The following CARS2 variants were observed in gnomAD, a reference collection of about 807,000 sequenced individuals.
CARS2 encodes the protein cysteinyl-tRNA synthetase 2, mitochondrial.
CARS2 carries 52 observed loss-of-function variants against 68.8 expected under a neutral mutation model. The observed-to-expected ratio is 0.76, with a 90% CI of 0.61 to 0.95. CARS2 has a LOEUF of 0.95. CARS2 is among the 40% of genes least tolerant of loss of function. The probability of loss-of-function intolerance (pLI) is 0.00; values close to 1 mark genes in which losing one functional copy is unlikely to be tolerated. For synonymous variants in CARS2, 314 were observed against 303.6 expected (o/e 1.03, Z -0.36); for missense variants, 780 against 754.2 (o/e 1.03, Z -0.40).
In CARS2 at chr13:110,642,408, G is replaced by A. The variant is rs539168705; in HGVS notation, c.1530C>T (p.Asp510=). Residue 510 remains aspartate, a synonymous_variant, in exon 14 of 15, where the codon GAC becomes GAT. Coordinates refer to ENST00000257347, the MANE Select transcript of CARS2 (RefSeq NM_024537.4). Reference sequence around the variant, plus strand: ...TTTCTAGGAGCTGCTGCCGCCGGGCGTCCCCCGTGGCCTCGGGCATGGCCA... The same window carrying A: ...TTTCTAGGAGCTGCTGCCGCCGGGCATCCCCCGTGGCCTCGGGCATGGCCA... The part of the protein sequence containing the change: ...FALAMPEATG[D]ARRQQLLERQ... 3.7e-5 allele frequency: 59 copies of A among 1,587,308 alleles called. No individual in the cohort carries two copies. The highest frequency in any genetic ancestry group is 1.7e-4 in the Middle Eastern group (1 of 6,046).
chr13:110,700,878 A>G (rs1044747298), intron 3 of CARS2, among the ~76,000 whole-genome samples: 20 of 152,162 alleles, frequency 1.3e-4, no homozygotes, highest in Admixed American at 2.0e-4. Context: ...CCACAGAAGG[A>G]GGTAACGACA....
intron 6 of CARS2, among the ~76,000 whole-genome samples, chr13:110,680,752 G>C (rs2063135439): frequency 6.6e-6 from 1 of 152,252 alleles, no homozygotes; most frequent in South Asian, 2.1e-4. Context: ...GCAAGGGGAA[G>C]AAGCCAGGGG....
intron 1 of CARS2, chr13:110,712,778 G>C (rs557366127): frequency 1.1e-5 from 8 of 716,004 alleles, no homozygotes. Flanking sequence ...GAAGAGATAA[G>C]GCCTAGGGAA....
At chr13:110,709,082 CTTTTTTT>C (rs113546139), upstream of CARS2, among the ~76,000 whole-genome samples, 12 of 134,524 alleles carry the variant, frequency 8.9e-5, no homozygotes, top group Middle Eastern at 4.9e-3. Context: ...TCTCTTTTTT[CTTTTTTT>C]TTTTTTTGAG....
chr13:110,699,572 CCTAA>C (rs1485963376), intron 3 of CARS2, among the ~76,000 whole-genome samples: 2 of 152,220 alleles, frequency 1.3e-5, no homozygotes, highest in African/African-American at 4.8e-5. Context: ...AGCCAGTCAT[CCTAA>C]CTAACACACA....
At chr13:110,686,096 T>C (rs2063297355) in intron 5 of CARS2, among the ~76,000 whole-genome samples, 1 of 150,992 alleles carries the variant, frequency 6.6e-6, no homozygotes, top group South Asian at 2.1e-4. Context: ...TGGGGACAAG[T>C]GAGTATATTT....
intron 14 of CARS2, 128 bp downstream of exon 14, chr13:110,642,187 A>G: frequency 1.4e-6 from 1 of 726,466 alleles, no homozygotes; most frequent in Non-Finnish European, 2.3e-6. Context: ...AGCCTGGGTG[A>G]CAAGAGTGAA....
intron 3 of CARS2, among the ~76,000 whole-genome samples, chr13:110,689,519 C>T (rs1008085800): frequency 4.6e-5 from 7 of 152,228 alleles, no homozygotes; most frequent in African/African-American, 1.2e-4. Context: ...GTGAACTATG[C>T]GTTGCTACCC....
chr13:110,678,715 C>T (rs2063046494), intron 6 of CARS2, among the ~76,000 whole-genome samples: 1 of 152,200 alleles, frequency 6.6e-6, no homozygotes, highest in Non-Finnish European at 1.5e-5. Flanking sequence ...TAGAAGGCAG[C>T]ACACTGTCAT....
At chr13:110,695,053 C>G (rs2063581792) in intron 3 of CARS2, among the ~76,000 whole-genome samples, 1 of 152,210 alleles carries the variant, frequency 6.6e-6, no homozygotes, top group African/African-American at 2.4e-5. Context: ...GAGGCCAAGG[C>G]AGGAGGGTTG....
At chr13:110,642,082 T>C (rs1279930038) in intron 14 of CARS2, among the ~76,000 whole-genome samples, 1 of 152,034 alleles carries the variant, frequency 6.6e-6, no homozygotes, top group Non-Finnish European at 1.5e-5. Context: ...ATGCCTGTAA[T>C]CCTAGCTACT....
chr13:110,641,749 C>T (rs1297986706), intron 14 of CARS2, 141 bp from the exon 15 acceptor site: 10 of 720,076 alleles, frequency 1.4e-5, no homozygotes, highest in Admixed American at 1.4e-4. Context: ...AGAAAGGGCC[C>T]CACTACCTCC....
At chr13:110,700,624 G>A (rs905139293) in intron 3 of CARS2, among the ~76,000 whole-genome samples, 6 of 152,212 alleles carry the variant, frequency 3.9e-5, no homozygotes, top group African/African-American at 1.4e-4. Context: ...GGAATAAAAT[G>A]TGTTAAAAAA....
intron 10 of CARS2, chr13:110,648,469 G>C (rs1263390046): frequency 1.3e-5 from 2 of 152,286 alleles, no homozygotes; most frequent in Admixed American, 6.5e-5. Flanking sequence ...CAAAGTGTCA[G>C]CGCAGCACAG....
At chr13:110,672,892 C>T (rs1386844194) in intron 7 of CARS2, among the ~76,000 whole-genome samples, 3 of 152,028 alleles carry the variant, frequency 2.0e-5, no homozygotes, top group African/African-American at 4.8e-5. Flanking sequence ...ATATCACCAC[C>T]GATCCCACAG....
At chr13:110,650,908 G>T in intron 10 of CARS2, 126 bp downstream of exon 10, 1 of 707,062 alleles carries the variant, frequency 1.4e-6, no homozygotes, top group East Asian at 2.6e-5. Context: ...GAACCGTAAG[G>T]CACACAGCAG....
chr13:110,648,028 G>A (rs2139687663), intron 10 of CARS2, among the ~76,000 whole-genome samples: 1 of 152,278 alleles, frequency 6.6e-6, no homozygotes, highest in Admixed American at 6.5e-5. Flanking sequence ...GGACACATAT[G>A]CTGAAAATTA....
intron 10 of CARS2, among the ~76,000 whole-genome samples, chr13:110,647,600 T>C (rs1888318201): frequency 6.6e-6 from 1 of 151,978 alleles, no homozygotes; most frequent in African/African-American, 2.4e-5. Flanking sequence ...AATGGCTAGC[T>C]CTGGAAAGAG....
upstream of CARS2, among the ~76,000 whole-genome samples, chr13:110,707,933 GTTAGAA>G (rs1395594511): frequency 3.3e-5 from 5 of 152,178 alleles, no homozygotes; most frequent in African/African-American, 1.2e-4. Flanking sequence ...AGGTTAAAAT[GTTAGAA>G]TTAGGAGACC....
Sources: gnomAD v4.1 joint callset for allele counts (sites outside exome capture counted in the v4.1 genomes callset) on GRCh38, gnomAD v4.1.1 for gene constraint, MANE v1.5 for transcripts, NCBI Gene and HGNC (gene_info 2026-07-23, HGNC 2026-07-21) for gene names.